The following ARMC2 variants were observed in gnomAD, a reference collection of about 807,000 sequenced individuals.
ARMC2 encodes armadillo repeat containing 2, also known as armadillo repeat-containing protein 2.
Under a neutral mutation model 90.3 loss-of-function variants are expected in ARMC2, and 67 were observed. The ratio of observed to expected loss-of-function variants is 0.74; its 90% CI spans 0.61 to 0.91. ARMC2 has a LOEUF of 0.91. Among genes scored for constraint, ARMC2 ranks in the 40% least tolerant of loss-of-function variants. The probability of loss-of-function intolerance (pLI) is 0.00; values close to 1 mark genes in which losing one functional copy is unlikely to be tolerated. For missense variants in ARMC2, 920 were observed against 1,030.9 expected, an observed-to-expected ratio of 0.89 and a Z score of 1.47; for synonymous variants, 393 against 393.0, an observed-to-expected ratio of 1.00 and a Z score of 0.00.
chr6:108,987,680 A>G, the ARMC2 span: 5 of 1,031,178 alleles, frequency 4.8e-6, no homozygotes, highest in Non-Finnish European at 7.6e-6. Context: ...AGCATTCACA[A>G]TCAGTTTTTC....
chr6:109,010,841 C>G, the ARMC2 span, among the ~76,000 whole-genome samples: 1 of 152,162 alleles, frequency 6.6e-6, no homozygotes, highest in Admixed American at 6.5e-5. Context: ...ATCAAATGCC[C>G]ACTCAGCCGT....
downstream of ARMC2, among the ~76,000 whole-genome samples, chr6:108,977,054 T>C (rs1179629505): frequency 1.3e-5 from 2 of 152,202 alleles, no homozygotes; most frequent in African/African-American, 2.4e-5. Flanking sequence ...ATAGGAGTGG[T>C]GAGAGAGGAC....
intron 9 of ARMC2, 133 bp downstream of exon 9, chr6:108,911,134 C>T: frequency 1.7e-6 from 1 of 602,318 alleles, no homozygotes; most frequent in Non-Finnish European, 2.8e-6. Context: ...TTATGTGATG[C>T]TCATTTTTAC....
intron 11 of ARMC2, among the ~76,000 whole-genome samples, chr6:108,929,645 A>G (rs1415282008): frequency 6.6e-6 from 1 of 152,036 alleles, no homozygotes; most frequent in Non-Finnish European, 1.5e-5. Flanking sequence ...ATGCTCAGCT[A>G]ATTTTATCAT....
chr6:108,967,271 G>A (rs1462115807), intron 17 of ARMC2, among the ~76,000 whole-genome samples: 1 of 152,168 alleles, frequency 6.6e-6, no homozygotes, highest in Admixed American at 6.5e-5. Flanking sequence ...CTGTCCTATG[G>A]CCCAGGGCTT....
At chr6:108,997,164 T>C in the ARMC2 span, among the ~76,000 whole-genome samples, 2 of 152,192 alleles carry the variant, frequency 1.3e-5, no homozygotes, top group African/African-American at 4.8e-5. Flanking sequence ...ATAAACCTTC[T>C]AAAAGTATCC....
intron 2 of ARMC2, among the ~76,000 whole-genome samples, chr6:108,856,123 C>T (rs1049001361): frequency 1.3e-5 from 2 of 152,106 alleles, no homozygotes; most frequent in Admixed American, 6.5e-5. Context: ...TAAAAGTCAT[C>T]GCAATACGCA....
chr6:108,924,588 G>C (rs1177745308), intron 10 of ARMC2, among the ~76,000 whole-genome samples: 1 of 152,206 alleles, frequency 6.6e-6, no homozygotes, highest in Admixed American at 6.5e-5. Context: ...CCTATTCAAA[G>C]GCATGGCGTC....
the ARMC2 span, among the ~76,000 whole-genome samples, chr6:109,030,134 T>A: frequency 1.3e-5 from 2 of 152,178 alleles, no homozygotes; most frequent in African/African-American, 4.8e-5. Flanking sequence ...GATTCTCCAC[T>A]GTCTAGTCCT....
Position 108,962,068 on chromosome 6 carries a change from G to T in ARMC2, c.2093G>T (p.Arg698Leu), listed in dbSNP as rs746967292. 10 of 1,613,502 alleles carry T rather than the reference G, an allele frequency of 6.2e-6. No homozygotes were observed. Among genetic ancestry groups the T allele is most frequent in the South Asian group, 1.1e-5 (1 of 90,878 alleles). Residue 698 changes from arginine (R) to leucine (L), a missense_variant, in exon 15 of 18, where the codon CGT (arginine) becomes CTT (leucine). Coordinates refer to ENST00000392644, the MANE Select transcript of ARMC2 (RefSeq NM_032131.6). ...NNMDGILEAV[R>L]VFGNLSQDHD... ...ATGGATGGAATCCTGGAGGCTGTGCGTGTTTTCGGAAATCTCTCCCAGGAC... is the reference window on the plus strand; with the variant it reads ...ATGGATGGAATCCTGGAGGCTGTGCTTGTTTTCGGAAATCTCTCCCAGGAC...
intron 8 of ARMC2, among the ~76,000 whole-genome samples, chr6:108,906,325 A>G (rs897434683): frequency 1.3e-5 from 2 of 152,152 alleles, no homozygotes; most frequent in Admixed American, 1.3e-4. Flanking sequence ...CCAATTACCA[A>G]CTGTGATGCT....
At chr6:108,888,234 T>G (rs1770565815) in intron 5 of ARMC2, among the ~76,000 whole-genome samples, 1 of 152,166 alleles carries the variant, frequency 6.6e-6, no homozygotes, top group African/African-American at 2.4e-5. Flanking sequence ...ATGACATCAG[T>G]GATGACCACA....
intron 11 of ARMC2, among the ~76,000 whole-genome samples, chr6:108,936,085 C>T (rs962943137): frequency 7.2e-5 from 11 of 152,208 alleles, no homozygotes; most frequent in Middle Eastern, 3.4e-3. Flanking sequence ...TATTGCCTTA[C>T]GGGTTTTGTT....
Position 108,965,147 on chromosome 6 carries a change from C to T in ARMC2, c.2446+7C>T, listed in dbSNP as rs1324604801. 6.3e-7 allele frequency: 1 copy of T among 1,595,086 alleles called. No homozygotes were observed. The highest frequency in any genetic ancestry group is 8.6e-7 in the Non-Finnish European group (1 of 1,164,378). On this transcript the variant is annotated splice_region_variant and intron_variant, in intron 17 of 17. Transcript: ENST00000392644. Reference sequence around the variant, plus strand: ...TTGCTCTCATCATTTTTAGGTAAGACTCTTGACTATGATGAGTCTGTGAGT... The same window carrying T: ...TTGCTCTCATCATTTTTAGGTAAGATTCTTGACTATGATGAGTCTGTGAGT...
intron 3 of ARMC2, among the ~76,000 whole-genome samples, chr6:108,866,016 TAAAAAAAAAAA>T (rs910550188): frequency 1.7e-5 from 2 of 118,640 alleles, no homozygotes; most frequent in East Asian, 4.6e-4. Flanking sequence ...GACCCTGTCT[TAAAAAAAAAAA>T]AAAAAAAAAA....
chr6:108,993,834 C>T, the ARMC2 span, among the ~76,000 whole-genome samples: 2 of 152,028 alleles, frequency 1.3e-5, no homozygotes, highest in Non-Finnish European at 2.9e-5. Context: ...TCCACCTCAG[C>T]TTCTTGAGTA....
At chr6:109,019,204 AACAC>A in the ARMC2 span, among the ~76,000 whole-genome samples, 202 of 152,034 alleles carry the variant, frequency 1.3e-3, no homozygotes, top group Non-Finnish European at 2.3e-3. Context: ...CACACACACA[AACAC>A]ACACACAGAC....
At chr6:108,931,076 C>T (rs1775529070) in intron 11 of ARMC2, among the ~76,000 whole-genome samples, 1 of 151,694 alleles carries the variant, frequency 6.6e-6, no homozygotes, top group Non-Finnish European at 1.5e-5. Context: ...CCTCCTCCCA[C>T]CCTCCACCCT....
At chr6:108,902,799 A>G (rs1772281567) in intron 7 of ARMC2, among the ~76,000 whole-genome samples, 1 of 152,168 alleles carries the variant, frequency 6.6e-6, no homozygotes, top group African/African-American at 2.4e-5. Context: ...ATCAGAGATA[A>G]TATTATTTGA....
Sources: gnomAD v4.1 joint callset for allele counts (sites outside exome capture counted in the v4.1 genomes callset) on GRCh38, gnomAD v4.1.1 for gene constraint, MANE v1.5 for transcripts, NCBI Gene and HGNC (gene_info 2026-07-23, HGNC 2026-07-21) for gene names.